Variants in PCM1 observed in about 807,000 individuals in gnomAD.
The protein encoded by PCM1 is pericentriolar material 1.
PCM1 carries 157 observed loss-of-function variants against 241.9 expected under a neutral mutation model. That is an observed-to-expected ratio of 0.65 (90% CI 0.57 to 0.74). The LOEUF (loss-of-function observed/expected upper bound fraction) is 0.74. Among genes scored for constraint, PCM1 ranks in the 30% least tolerant of loss-of-function variants. The probability of loss-of-function intolerance (pLI) is 0.00; values close to 1 mark genes in which losing one functional copy is unlikely to be tolerated. For synonymous variants in PCM1, 1,085 were observed against 784.9 expected, an observed-to-expected ratio of 1.38 and a Z score of -6.39; for missense variants, 3,478 against 2,360.1, an observed-to-expected ratio of 1.47 and a Z score of -9.81.
rs1304419615 is a variant in PCM1, at chr8:17,947,209, T to C, written c.807T>C (p.Pro269=). 3.1e-6 allele frequency: 5 copies of C among 1,608,176 alleles called. No individual in the cohort carries two copies. In the African/African-American group the frequency reaches 4.0e-5, roughly 13 times the overall value. The change falls in exon 7 of 39, where the codon CCT becomes CCC. Residue 269 remains proline (P), a synonymous_variant. Transcript: ENST00000325083. ...AGGCCAGAGATCCTCAGCAGGAGCC[T>C]ATGGAAGAGATAGAAAATTTGAAGA... ...KILARDPQQE[P]MEEIENLKKQ...
At chr8:18,011,392 T>TATC in intron 33 of PCM1, 26 bp downstream of exon 33, 2 of 1,511,366 alleles carry the variant, frequency 1.3e-6, no homozygotes, top group Non-Finnish European at 1.8e-6. Flanking sequence ...CTGTACTATC[T>TATC]TTATACTTTA....
At chr8:17,996,414 A>C (rs2086771279) in intron 29 of PCM1, among the ~76,000 whole-genome samples, 1 of 152,016 alleles carries the variant, frequency 6.6e-6, no homozygotes, top group African/African-American at 2.4e-5. Context: ...CATCTTTTTA[A>C]TGTGTTGTTG....
At chr8:17,971,909 C>G (rs140973521) in intron 22 of PCM1, among the ~76,000 whole-genome samples, 1 of 151,922 alleles carries the variant, frequency 6.6e-6, no homozygotes, top group African/African-American at 2.4e-5. Flanking sequence ...GTGCCTGGCT[C>G]ATTTTTAAAA....
In PCM1 at chr8:17,986,085, G is replaced by A. The variant is rs1291481427; in HGVS notation, c.4408G>A (p.Asp1470Asn). The change falls in exon 26 of 39, where the codon GAT (aspartate) becomes AAT (asparagine). Residue 1470 changes from aspartate (D) to asparagine (N), a missense_variant and splice_region_variant. Transcript: ENST00000325083. ...TPSESLATTD[D>N]ETFEKNFERE... ...TAGTGAGAGCCTTGCTACTACTGAT[G>A]ATGTAAGCTGATAATGATTAGTGAA... 1 of 1,556,688 alleles carries A rather than the reference G, an allele frequency of 6.4e-7. No homozygotes were observed. Among genetic ancestry groups the A allele is most frequent in the Non-Finnish European group, 8.7e-7 (1 of 1,153,598 alleles).
rs1588876179 is a variant in PCM1 at position 18,026,165 on chromosome 8, G to GAAAAAAAAAAAAAAAA, written c.6049+510_6049+511insAAAAAAAAAAAAAAAA. Among the ~76,000 whole-genome samples, 8 of 3,574 alleles carry GAAAAAAAAAAAAAAAA rather than the reference G, an allele frequency of 2.2e-3. 4 individuals are homozygous for GAAAAAAAAAAAAAAAA. The highest frequency in any genetic ancestry group is 3.3e-3 in the Non-Finnish European group (4 of 1,214). The allele number at this position is 3,574 out of a possible 152,430, so 2.3% of individuals were successfully genotyped here. On this transcript the variant is annotated intron_variant, in intron 38 of 38. Transcript: ENST00000325083. ...GGTGAAAGAGCGAGACTCCCTCTCT[G>GAAAAAAAAAAAAAAAA]AAACAAAAAAAAAAAAAAAAAAAAA...
chr8:18,008,742 A>G (rs958259272), intron 30 of PCM1, among the ~76,000 whole-genome samples: 3 of 152,204 alleles, frequency 2.0e-5, no homozygotes, highest in African/African-American at 7.2e-5. Context: ...GGTACAGGAC[A>G]GTAAAGGAGG....
chr8:18,016,706 AC>A (rs1267250609), intron 36 of PCM1, among the ~76,000 whole-genome samples: 1 of 152,170 alleles, frequency 6.6e-6, no homozygotes, highest in Non-Finnish European at 1.5e-5. Context: ...CTGACCTGTT[AC>A]TCTGCTTATC....
intron 29 of PCM1, among the ~76,000 whole-genome samples, chr8:18,001,995 C>CTTTTTTTTTTTTTTTT (rs1166401113): frequency 8.5e-5 from 2 of 23,404 alleles, no homozygotes; most frequent in African/African-American, 2.9e-4. Flanking sequence ...TCTAACCTTT[C>CTTTTTTTTTTTTTTTT]TTTTTTTTTT....
chr8:18,002,245 C>T (rs376900834), intron 29 of PCM1, among the ~76,000 whole-genome samples: 71 of 10,654 alleles, frequency 6.7e-3, no homozygotes, highest in Admixed American at 0.018. Context: ...CCACCACAGT[C>T]CCCAGAGTGT....
intron 37 of PCM1, 29 bp from the exon 38 acceptor site, chr8:18,025,515 G>A (rs370324793): frequency 2.0e-6 from 3 of 1,530,074 alleles, no homozygotes; most frequent in African/African-American, 2.8e-5. Context: ...AATGAAAAAT[G>A]ATTTGTATTT....
At chr8:17,935,056 TTC>T (rs1239282169) in intron 2 of PCM1, among the ~76,000 whole-genome samples, 1 of 151,784 alleles carries the variant, frequency 6.6e-6, no homozygotes, top group Non-Finnish European at 1.5e-5. Context: ...CTAGTCCTGC[TTC>T]TCTTTCCCTA....
At chr8:17,960,527 G>GTT in intron 15 of PCM1, 83 bp downstream of exon 15, 2 of 412,976 alleles carry the variant, frequency 4.8e-6, no homozygotes, top group South Asian at 5.4e-5. Flanking sequence ...TTTTGTTTTT[G>GTT]TTTTTCTTTT....
intron 6 of PCM1, among the ~76,000 whole-genome samples, chr8:17,941,482 G>C (rs1189721112): frequency 6.6e-6 from 1 of 150,914 alleles, no homozygotes; most frequent in Non-Finnish European, 1.5e-5. Context: ...AAACTTAAAA[G>C]ACTAAATATA....
chr8:17,989,607 CTGTCTT>C (rs1224428944), intron 26 of PCM1, among the ~76,000 whole-genome samples: 1 of 151,846 alleles, frequency 6.6e-6, no homozygotes, highest in East Asian at 1.9e-4. Context: ...TAATCAGTAG[CTGTCTT>C]TGTGTGTGTT....
intron 34 of PCM1, 88 bp from the exon 35 acceptor site, chr8:18,013,876 G>A: frequency 4.0e-6 from 3 of 756,786 alleles, no homozygotes; most frequent in East Asian, 3.0e-5. Flanking sequence ...AAGGTCTTGG[G>A]TTGGACAAAA....
At position 17,964,626 on chromosome 8, in the gene PCM1, G is replaced by A; in HGVS notation, c.2713G>A (p.Asp905Asn). ...QCALDEEGDE[D>N]GYLSEGIVRT... ...TGCACTAGATGAAGAAGGAGATGAA[G>A]ACGGTTACCTTTCTGAAGGAATTGT... Residue 905 changes from aspartate to asparagine, a missense_variant, in exon 18 of 39, where the codon GAC (aspartate) becomes AAC (asparagine). Physicochemically the swap from Asp to Asn is conservative, Grantham distance 23. Coordinates refer to ENST00000325083, the MANE Select transcript of PCM1 (RefSeq NM_006197.4). The A allele has an allele frequency of 6.2e-7, 1 of 1,613,940 alleles. No individual in the cohort carries two copies. The highest frequency in any genetic ancestry group is 8.5e-7 in the Non-Finnish European group (1 of 1,179,862).
chr8:17,996,324 T>G (rs965564305), intron 29 of PCM1, among the ~76,000 whole-genome samples: 2 of 152,232 alleles, frequency 1.3e-5, no homozygotes, highest in African/African-American at 4.8e-5. Context: ...TCTGTTGATA[T>G]GATGTATTAC....
chr8:17,966,382 A>C lies in PCM1; in HGVS notation c.3130A>C (p.Ser1044Arg). 1 of 1,613,706 alleles carries C rather than the reference A, an allele frequency of 6.2e-7. No individual in the cohort carries two copies. Among genetic ancestry groups the C allele is most frequent in the Non-Finnish European group, 8.5e-7 (1 of 1,179,638 alleles). ...LLTGPYSVMP[S>R]NVASPQVHFI... is the part of the protein sequence containing the mutation. The stretch of plus-strand genomic sequence containing the variant: ...CACGGGTCCTTACAGTGTTATGCCC[A>C]GCAATGTTGCATCTCCTCAAGTACA... Residue 1044 changes from serine to arginine, a missense_variant, in exon 20 of 39, where the codon AGC becomes CGC. Physicochemically the swap from Ser to Arg is moderately radical, Grantham distance 110. Transcript: ENST00000325083.
At chr8:17,984,769 T>G (rs185724416) in intron 24 of PCM1, among the ~76,000 whole-genome samples, 227 of 152,070 alleles carry the variant, frequency 1.5e-3, no homozygotes, top group Middle Eastern at 3.4e-3. Context: ...TTAGCCGAAT[T>G]GTAGCTAAAT....
Sources: gnomAD v4.1 joint callset for allele counts (sites outside exome capture counted in the v4.1 genomes callset) on GRCh38, gnomAD v4.1.1 for gene constraint, MANE v1.5 for transcripts, NCBI Gene and HGNC (gene_info 2026-07-23, HGNC 2026-07-21) for gene names.